Variants in FAM114A1 observed in about 807,000 individuals in gnomAD.
The protein encoded by FAM114A1 is protein NOXP20.
Under a neutral mutation model 64.3 loss-of-function variants are expected in FAM114A1, and 62 were observed. The observed-to-expected ratio is 0.96, with a 90% CI of 0.79 to 1.19. The LOEUF (loss-of-function observed/expected upper bound fraction) is 1.19. Among genes scored for constraint, FAM114A1 ranks in the 50% most tolerant of loss-of-function variants. The probability of loss-of-function intolerance (pLI) is 0.00; values close to 1 mark genes in which losing one functional copy is unlikely to be tolerated. For synonymous variants in FAM114A1, 254 were observed against 251.1 expected (o/e 1.01, Z -0.11); for missense variants, 645 against 676.3 (o/e 0.95, Z 0.51).
At chr4:38,932,136 G>T (rs1328335498) in intron 11 of FAM114A1, 99 bp from the exon 12 acceptor site, 2 of 1,306,650 alleles carry the variant, frequency 1.5e-6, no homozygotes, top group African/African-American at 1.5e-5. Context: ...TATATTTGGG[G>T]TATTTTTGAA....
In FAM114A1 at chr4:38,905,620, A is replaced by T. The variant is rs1717922039; in HGVS notation, c.535A>T (p.Asn179Tyr). 6.2e-7 allele frequency: 1 copy of T among 1,614,110 alleles called. No homozygotes were observed. The highest frequency in any genetic ancestry group is 1.6e-4 in the Middle Eastern group (1 of 6,062). ...SSEGAQPNTE[N>Y]GVPEITDAAT... ...TGAAGGAGCCCAACCAAATACTGAA[A>T]ACGGAGTCCCTGAAAGTGAGTGATG... The change falls in exon 5 of 15, where the codon AAC (asparagine) becomes TAC (tyrosine). Residue 179 changes from asparagine (N) to tyrosine (Y), a missense_variant. Physicochemically the swap from Asn to Tyr is moderately radical, Grantham distance 143. Transcript: ENST00000358869.
chr4:38,912,437 T>A (rs1553868731), intron 7 of FAM114A1, among the ~76,000 whole-genome samples: 1 of 152,142 alleles, frequency 6.6e-6, no homozygotes, highest in Non-Finnish European at 1.5e-5. Context: ...CAGGCTGGAG[T>A]GCAATGGCGC....
intron 2 of FAM114A1, among the ~76,000 whole-genome samples, chr4:38,869,535 T>C (rs1713808721): frequency 6.6e-6 from 1 of 152,166 alleles, no homozygotes; most frequent in Non-Finnish European, 1.5e-5. Flanking sequence ...TTACACCTAA[T>C]GGTTTTTGAA....
chr4:38,912,093 T>C (rs776896873), intron 7 of FAM114A1, among the ~76,000 whole-genome samples: 6 of 151,906 alleles, frequency 3.9e-5, no homozygotes, highest in Non-Finnish European at 8.8e-5. Flanking sequence ...ACTCCTGACC[T>C]CAAGTGATCC....
chr4:38,939,965 T>C (rs1431968262), intron 13 of FAM114A1, among the ~76,000 whole-genome samples: 2 of 150,764 alleles, frequency 1.3e-5, no homozygotes, highest in Non-Finnish European at 2.9e-5. Context: ...CTCGGCTCAC[T>C]GCAACCACTG....
At chr4:38,914,705 C>T (rs1718870962) in intron 7 of FAM114A1, 3 of 485,464 alleles carry the variant, frequency 6.2e-6, no homozygotes, top group Admixed American at 7.0e-5. Context: ...CTTTGTTTTG[C>T]CTTTCACATA....
At chr4:38,884,041 A>C (rs778527302) in intron 3 of FAM114A1, among the ~76,000 whole-genome samples, 11 of 152,196 alleles carry the variant, frequency 7.2e-5, no homozygotes, top group Admixed American at 6.5e-5. Context: ...GAATTCCCCC[A>C]GGTGACACTC....
Position 38,944,076 on chromosome 4 carries a change from T to C in FAM114A1, c.*519T>C, listed in dbSNP as rs1284599282. 1 of 148,950 alleles carries C rather than the reference T, an allele frequency of 6.7e-6. No individual in the cohort carries two copies. The highest frequency in any genetic ancestry group is 1.5e-5 in the Non-Finnish European group (1 of 67,850). 9.2% of individuals were successfully genotyped at this position (148,950 alleles called of 1,614,324 possible). On this transcript the variant is annotated 3_prime_UTR_variant, in exon 15 of 15. Transcript: ENST00000358869. ...AGGAACATATTGTCATTCTTTTTTT[T>C]TTTTTTTTTTTGAGACAGAGTCTCA...
chr4:38,932,082 A>C (rs1720690684), intron 11 of FAM114A1, among the ~76,000 whole-genome samples, 153 bp from the exon 12 acceptor site: 1 of 152,222 alleles, frequency 6.6e-6, no homozygotes, highest in Non-Finnish European at 1.5e-5. Context: ...ATTACACTTA[A>C]AGTCTTAGAT....
chr4:38,880,311 A>G (rs1338819901), intron 3 of FAM114A1, among the ~76,000 whole-genome samples: 1 of 152,134 alleles, frequency 6.6e-6, no homozygotes, highest in African/African-American at 2.4e-5. Context: ...AGGCTAAAGA[A>G]TTTTCAAAGT....
intron 8 of FAM114A1, among the ~76,000 whole-genome samples, chr4:38,921,958 T>C (rs1274306881): frequency 6.6e-6 from 1 of 152,244 alleles, no homozygotes; most frequent in Non-Finnish European, 1.5e-5. Flanking sequence ...TCATTTATTT[T>C]TTGAGATGGA....
In FAM114A1 at chr4:38,935,677, T is replaced by A. The variant is rs371474968; in HGVS notation, c.1464-41T>A. On this transcript the variant is annotated intron_variant, in intron 12 of 14. Transcript: ENST00000358869. ...GTCGTGACAGTTAAATTATTTTACC[T>A]TATTGAAAACATCCAAGCTTTTTTT... The A allele has an allele frequency of 2.5e-4, 359 of 1,419,694 alleles. 2 individuals carry two copies. Among genetic ancestry groups the A allele is most frequent in the Non-Finnish European group, 2.9e-4 (303 of 1,030,060 alleles). 87.9% of individuals were successfully genotyped at this position (1,419,694 alleles called of 1,614,324 possible). A position where few individuals can be genotyped will look rare whatever the true frequency, so the allele number is the denominator to read the frequency against.
Position 38,905,538 on chromosome 4 carries a change from A to G in FAM114A1, c.453A>G (p.Ala151=). 1 of 1,614,050 alleles carries G rather than the reference A, an allele frequency of 6.2e-7. No individual in the cohort carries two copies. Among genetic ancestry groups the G allele is most frequent in the South Asian group, 1.1e-5 (1 of 91,078 alleles). Residue 151 remains alanine, a synonymous_variant, in exon 5 of 15, where the codon GCA becomes GCG. Coordinates refer to ENST00000358869, the MANE Select transcript of FAM114A1 (RefSeq NM_138389.4). ...TTCCAACAGGTCATGGATTGACGGCAGTCAAGGAAAAAGCAGGAGCCACTC... is the reference window on the plus strand; with the variant it reads ...TTCCAACAGGTCATGGATTGACGGCGGTCAAGGAAAAAGCAGGAGCCACTC... ...ASATVGHGLT[A]VKEKAGATLR...
In FAM114A1 at chr4:38,878,348, A is replaced by T. The variant is rs1434631831; in HGVS notation, c.270A>T (p.Thr90=). 6.2e-7 allele frequency: 1 copy of T among 1,613,928 alleles called. No individual in the cohort carries two copies. The highest frequency in any genetic ancestry group is 8.5e-7 in the Non-Finnish European group (1 of 1,179,966). Residue 90 remains threonine, a synonymous_variant, in exon 3 of 15, where the codon ACA becomes ACT. Coordinates refer to ENST00000358869, the MANE Select transcript of FAM114A1 (RefSeq NM_138389.4). ...PPLNGDVTED[T]LAECIDSVSL... ...TCAATGGAGACGTGACTGAGGATAC[A>T]CTTGCTGAATGTATTGATTCCGTCA... is the stretch of plus-strand genomic sequence containing the variant.
rs77757139 is a variant in FAM114A1 at position 38,869,209 on chromosome 4, G to A, written c.-9+663G>A. On this transcript the variant is annotated intron_variant, in intron 2 of 14. Coordinates refer to ENST00000358869, the MANE Select transcript of FAM114A1 (RefSeq NM_138389.4). Reference sequence around the variant, plus strand: ...GAAGTAAATACTCCATAAATACATGGAATAGAAATCTGTGCAAAGTGCCAA... The same window carrying A: ...GAAGTAAATACTCCATAAATACATGAAATAGAAATCTGTGCAAAGTGCCAA... Among the ~76,000 whole-genome samples, 977 of 152,302 alleles carry A rather than the reference G, an allele frequency of 6.4e-3. 14 individuals carry two copies. The highest frequency in any genetic ancestry group is 0.022 in the African/African-American group (897 of 41,570).
At chr4:38,878,791 G>C (rs1207989260) in intron 3 of FAM114A1, among the ~76,000 whole-genome samples, 1 of 152,100 alleles carries the variant, frequency 6.6e-6, no homozygotes, top group Non-Finnish European at 1.5e-5. Flanking sequence ...AGCTTGTCCT[G>C]GGCTACTTGG....
intron 2 of FAM114A1, among the ~76,000 whole-genome samples, chr4:38,876,260 C>G (rs749983180): frequency 1.3e-5 from 2 of 150,816 alleles, no homozygotes; most frequent in South Asian, 2.1e-4. Flanking sequence ...ACCTCCACCC[C>G]CCAGGTTCAA....
Position 38,943,579 on chromosome 4 carries a change from T to C in FAM114A1, c.*22T>C, listed in dbSNP as rs1721745982. 1 of 1,606,320 alleles carries C rather than the reference T, an allele frequency of 6.2e-7. No individual in the cohort carries two copies. Among genetic ancestry groups the C allele is most frequent in the African/African-American group, 1.3e-5 (1 of 74,738 alleles). On this transcript the variant is annotated 3_prime_UTR_variant, in exon 15 of 15. Transcript: ENST00000358869. ...GTGACCTGGCCAGACTCCATCTAGT[T>C]AAAGGAGACAGCTGGCCGCCTTGCC...
At chr4:38,915,769 GT>G in intron 8 of FAM114A1, among the ~76,000 whole-genome samples, 1 of 150,496 alleles carries the variant, frequency 6.6e-6, no homozygotes, top group Non-Finnish European at 1.5e-5. Context: ...GTGTGTGTGT[GT>G]GTGTGTGTGT....
Sources: allele counts gnomAD v4.1 joint callset (sites outside exome capture counted in the v4.1 genomes callset), GRCh38; gene constraint gnomAD v4.1.1; transcripts MANE v1.5; gene names NCBI Gene and HGNC (gene_info 2026-07-23, HGNC 2026-07-21).